The following MTHFD2L variants were observed in gnomAD, a reference collection of about 807,000 sequenced individuals.
MTHFD2L encodes bifunctional methylenetetrahydrofolate dehydrogenase/cyclohydrolase 2, mitochondrial.
MTHFD2L carries 29 observed loss-of-function variants against 34.9 expected under a neutral mutation model. The ratio of observed to expected loss-of-function variants is 0.83; its 90% CI spans 0.62 to 1.13. MTHFD2L has a LOEUF of 1.13. MTHFD2L is among the 50% of genes most tolerant of loss of function. MTHFD2L has a pLI of 0.00. For missense variants in MTHFD2L, 481 were observed against 446.5 expected, an observed-to-expected ratio of 1.08 and a Z score of -0.70; for synonymous variants, 167 against 155.7, an observed-to-expected ratio of 1.07 and a Z score of -0.54.
chr4:74,265,658 A>C (rs531216381), intron 6 of MTHFD2L, among the ~76,000 whole-genome samples: 1 of 152,304 alleles, frequency 6.6e-6, no homozygotes, highest in East Asian at 1.9e-4. Flanking sequence ...TGAGCCTTAG[A>C]TTTTAGCCAA....
intron 6 of MTHFD2L, among the ~76,000 whole-genome samples, chr4:74,277,525 G>A (rs912990764): frequency 3.3e-5 from 5 of 151,848 alleles, no homozygotes; most frequent in Non-Finnish European, 5.9e-5. Context: ...GGTCATCTGG[G>A]GATTTGTCCT....
chr4:74,125,859 A>T (rs1378215107), intron 1 of MTHFD2L, among the ~76,000 whole-genome samples: 1 of 152,190 alleles, frequency 6.6e-6, no homozygotes, highest in Non-Finnish European at 1.5e-5. Flanking sequence ...ATAAGAAAAA[A>T]TTAAAGAGCA....
chr4:74,193,025 C>G (rs796276962), intron 3 of MTHFD2L, among the ~76,000 whole-genome samples: 1 of 151,508 alleles, frequency 6.6e-6, no homozygotes, highest in Admixed American at 6.6e-5. Context: ...TTTCTTACAC[C>G]CAGCATACAA....
chr4:74,173,172 A>G (rs1421391646), intron 1 of MTHFD2L, among the ~76,000 whole-genome samples: 1 of 152,194 alleles, frequency 6.6e-6, no homozygotes, highest in African/African-American at 2.4e-5. Flanking sequence ...AGAAGGAAGA[A>G]GGGACCACCT....
chr4:74,145,153 A>T (rs1336855962), intron 1 of MTHFD2L, among the ~76,000 whole-genome samples: 1 of 151,786 alleles, frequency 6.6e-6, no homozygotes, highest in Non-Finnish European at 1.5e-5. Flanking sequence ...TACAGTCAAC[A>T]TTCCATATTT....
At chr4:74,214,331 C>T (rs1302239109) in intron 5 of MTHFD2L, among the ~76,000 whole-genome samples, 2 of 151,646 alleles carry the variant, frequency 1.3e-5, no homozygotes, top group Non-Finnish European at 2.9e-5. Flanking sequence ...GCTGGTTTTT[C>T]CTCATCTTCG....
intron 6 of MTHFD2L, among the ~76,000 whole-genome samples, chr4:74,247,765 G>T (rs1211615468): frequency 1.3e-5 from 2 of 152,042 alleles, no homozygotes; most frequent in Non-Finnish European, 2.9e-5. Flanking sequence ...TGGTTCTCTT[G>T]ATATGCTGGA....
intron 6 of MTHFD2L, among the ~76,000 whole-genome samples, chr4:74,259,962 C>T (rs747180481): frequency 2.0e-4 from 31 of 152,126 alleles, no homozygotes; most frequent in Non-Finnish European, 2.6e-4. Context: ...TACAGAGAGA[C>T]AGGGAAAGAT....
At chr4:74,300,376 G>A (rs1474634161) in intron 7 of MTHFD2L, among the ~76,000 whole-genome samples, 6 of 151,764 alleles carry the variant, frequency 4.0e-5, no homozygotes, top group Admixed American at 6.6e-5. Context: ...TAAAGTAAAG[G>A]TAAATCCCAC....
At chr4:74,226,571 G>T (rs1401572810) in intron 6 of MTHFD2L, among the ~76,000 whole-genome samples, 1 of 152,108 alleles carries the variant, frequency 6.6e-6, no homozygotes, top group Non-Finnish European at 1.5e-5. Context: ...CATAGAAAAG[G>T]CTGGAATATG....
intron 6 of MTHFD2L, among the ~76,000 whole-genome samples, chr4:74,225,859 A>T (rs1312182398): frequency 6.6e-6 from 1 of 152,134 alleles, no homozygotes; most frequent in East Asian, 1.9e-4. Context: ...CTTTAGGGGA[A>T]AAGTTGATGG....
intron 5 of MTHFD2L, among the ~76,000 whole-genome samples, chr4:74,215,449 G>A (rs1436145671): frequency 6.6e-6 from 1 of 151,744 alleles, no homozygotes; most frequent in Non-Finnish European, 1.5e-5. Context: ...GCTAGGGGAG[G>A]GAATTCCTCT....
chr4:74,295,702 A>G (rs1184875339), intron 7 of MTHFD2L, among the ~76,000 whole-genome samples: 2 of 152,072 alleles, frequency 1.3e-5, no homozygotes, highest in African/African-American at 2.4e-5. Flanking sequence ...GACACTGCCT[A>G]CCTCTTCCAT....
chr4:74,247,743 GGTTTT>G (rs1356886364), intron 6 of MTHFD2L, among the ~76,000 whole-genome samples: 8 of 152,130 alleles, frequency 5.3e-5, no homozygotes, highest in African/African-American at 1.7e-4. Context: ...ATAATCATGT[GGTTTT>G]TGTCTTTGGT....
At chr4:74,125,059 C>A (rs1053095992), upstream of MTHFD2L, among the ~76,000 whole-genome samples, 3 of 151,986 alleles carry the variant, frequency 2.0e-5, no homozygotes, top group African/African-American at 7.3e-5. Flanking sequence ...TTGATATAAG[C>A]AAATTCTAAA....
intron 1 of MTHFD2L, among the ~76,000 whole-genome samples, chr4:74,166,311 T>C: frequency 6.6e-6 from 1 of 152,342 alleles, no homozygotes; most frequent in East Asian, 1.9e-4. Flanking sequence ...AGTTTGCAGC[T>C]GCATAACTCC....
At chr4:74,252,556 A>G (rs947015684) in intron 6 of MTHFD2L, among the ~76,000 whole-genome samples, 1 of 152,226 alleles carries the variant, frequency 6.6e-6, no homozygotes, top group African/African-American at 2.4e-5. Context: ...GGGGTTATAT[A>G]AAATTGATAA....
At chr4:74,191,016 T>G (rs762518465) in intron 3 of MTHFD2L, among the ~76,000 whole-genome samples, 2 of 152,172 alleles carry the variant, frequency 1.3e-5, no homozygotes, top group Non-Finnish European at 2.9e-5. Context: ...TTCTCCTGAC[T>G]CAGCTTCCTG....
upstream of MTHFD2L, among the ~76,000 whole-genome samples, chr4:74,119,140 C>A (rs567535558): frequency 7.9e-5 from 12 of 151,986 alleles, no homozygotes; most frequent in African/African-American, 2.9e-4. Flanking sequence ...GTGGCAAGTG[C>A]GTTGATGTAC....
Sources: allele counts gnomAD v4.1 joint callset (sites outside exome capture counted in the v4.1 genomes callset), GRCh38; gene constraint gnomAD v4.1.1; transcripts MANE v1.5; gene names NCBI Gene and HGNC (gene_info 2026-07-23, HGNC 2026-07-21).